The following ARHGEF17 variants were observed in gnomAD, a reference collection of about 807,000 sequenced individuals.
ARHGEF17 encodes the protein Rho guanine nucleotide exchange factor 17.
In ARHGEF17, 80 loss-of-function variants were observed where a neutral mutation model predicts 174.0. The ratio of observed to expected loss-of-function variants is 0.46; its 90% CI spans 0.38 to 0.55. The LOEUF is 0.55. Among genes scored for constraint, ARHGEF17 ranks in the 20% least tolerant of loss-of-function variants. ARHGEF17 has a pLI of 0.00. For missense variants in ARHGEF17, 2,886 were observed against 2,839.7 expected, an observed-to-expected ratio of 1.02 and a Z score of -0.37; for synonymous variants, 1,311 against 1,189.1, an observed-to-expected ratio of 1.10 and a Z score of -2.11.
At chr11:73,314,077 C>T (rs1355147669) in intron 1 of ARHGEF17, among the ~76,000 whole-genome samples, 4 of 152,218 alleles carry the variant, frequency 2.6e-5, no homozygotes, top group Non-Finnish European at 4.4e-5. Context: ...CCTGGAAGTT[C>T]TCCCATCTGC....
Position 73,311,366 on chromosome 11 carries a change from G to C in ARHGEF17, c.2728G>C (p.Ala910Pro). The change falls in exon 1 of 21, where the codon GCT becomes CCT. Residue 910 changes from alanine to proline, a missense_variant. Transcript: ENST00000263674. ...AAACTTTCACCTTGACCCCAAGCTG[G>C]CTGACATTCTGTCCCCGAGGCTAAT... The part of the protein sequence containing the change: ...HRNFHLDPKL[A>P]DILSPRLIRR... The C allele has an allele frequency of 6.2e-7, 1 of 1,613,276 alleles. No individual in the cohort carries two copies. The highest frequency in any genetic ancestry group is 8.5e-7 in the Non-Finnish European group (1 of 1,180,034).
At chr11:73,314,540 AG>A (rs1864897392) in intron 1 of ARHGEF17, among the ~76,000 whole-genome samples, 1 of 152,150 alleles carries the variant, frequency 6.6e-6, no homozygotes, top group Admixed American at 6.5e-5. Context: ...GCTCAGAAGG[AG>A]GGAGTCAGCC....
chr11:73,362,580 C>G lies in ARHGEF17; in HGVS notation c.4842C>G (p.Gly1614=). The change falls in exon 14 of 21, where the codon GGC becomes GGG. Residue 1614 remains glycine, a synonymous_variant. Transcript: ENST00000263674. ...PQPCLHISIA[G]SGLEMTPGLG... ...CCTGCCTTCACATCTCCATTGCAGG[C>G]TCGGGCTTGGAGATGACGCCGGGCC... is the stretch of plus-strand genomic sequence containing the variant. 6.2e-7 allele frequency: 1 copy of G among 1,610,252 alleles called. No homozygotes were observed. The highest frequency in any genetic ancestry group is 1.1e-5 in the South Asian group (1 of 91,072).
Position 73,365,194 on chromosome 11 carries a change from G to A in ARHGEF17, c.5551-196G>A. The stretch of plus-strand genomic sequence containing the variant: ...TCCTTAAATCACTCAAGTTTAATGG[G>A]GAAAAAGCACCTCCATTGTAATTCC... On this transcript the variant is annotated intron_variant, in intron 18 of 20. Coordinates refer to ENST00000263674, the MANE Select transcript of ARHGEF17 (RefSeq NM_014786.4). This position sits in a 1 kb window ranked among gnomAD's most constrained non-coding sequence, Gnocchi z 4.9. 1.6e-6 allele frequency: 1 copy of A among 619,060 alleles called. No individual in the cohort carries two copies. The allele number at this position is 619,060 out of a possible 1,614,324, so 38.3% of individuals were successfully genotyped here. A position where few individuals can be genotyped will look rare whatever the true frequency, so the allele number is the denominator to read the frequency against.
chr11:73,358,638 T>TG, intron 9 of ARHGEF17, among the ~76,000 whole-genome samples: 1 of 151,488 alleles, frequency 6.6e-6, no homozygotes, highest in African/African-American at 2.4e-5. Flanking sequence ...TTTTTTTTTT[T>TG]GTATTTTAGT....
chr11:73,351,751 T>A (rs11604230), intron 2 of ARHGEF17, among the ~76,000 whole-genome samples: 4,126 of 152,118 alleles, frequency 0.027, 118 homozygotes, highest in Non-Finnish European at 0.037. Flanking sequence ...CCAGCTAATT[T>A]ATTGTATTTT....
At chr11:73,328,936 C>T (rs1865147208) in intron 1 of ARHGEF17, among the ~76,000 whole-genome samples, 1 of 151,880 alleles carries the variant, frequency 6.6e-6, no homozygotes, top group Non-Finnish European at 1.5e-5. Context: ...CCTAGAGAGG[C>T]AGGATGGAGA....
chr11:73,350,919 G>T (rs1012297721), intron 2 of ARHGEF17, among the ~76,000 whole-genome samples: 7 of 152,392 alleles, frequency 4.6e-5, no homozygotes, highest in Middle Eastern at 3.4e-3. Context: ...TCTGTGCAGT[G>T]AGATGCCCCA....
chr11:73,353,080 C>T (rs1294637953), intron 3 of ARHGEF17, 68 bp downstream of exon 3: 9 of 1,579,734 alleles, frequency 5.7e-6, no homozygotes, highest in East Asian at 2.2e-5. Flanking sequence ...GATGTGGCCA[C>T]GGACCCCACC....
At chr11:73,346,833 G>A in intron 1 of ARHGEF17, 50 bp from the exon 2 acceptor site, 3 of 1,389,018 alleles carry the variant, frequency 2.2e-6, no homozygotes, top group Non-Finnish European at 2.8e-6. Context: ...CAGGTGATGG[G>A]GTCTGGGGGG....
At chr11:73,355,043 C>G in intron 3 of ARHGEF17, among the ~76,000 whole-genome samples, 1 of 152,168 alleles carries the variant, frequency 6.6e-6, no homozygotes, top group Admixed American at 6.5e-5. Flanking sequence ...GGAGTACTTC[C>G]GAGAGGAGGC....
intron 2 of ARHGEF17, 159 bp downstream of exon 2, chr11:73,347,119 T>G: frequency 1.3e-6 from 1 of 763,698 alleles, no homozygotes; most frequent in Non-Finnish European, 2.3e-6. Context: ...AGCATGGCCA[T>G]TCCAGAGAAG....
At chr11:73,357,375 A>G (rs1257478312) in intron 9 of ARHGEF17, 48 bp downstream of exon 9, 1 of 1,554,036 alleles carries the variant, frequency 6.4e-7, no homozygotes, top group South Asian at 1.2e-5. Context: ...TCCTCTGAGA[A>G]GCCCTCCTGG....
At chr11:73,319,076 T>C (rs1431454989) in intron 1 of ARHGEF17, among the ~76,000 whole-genome samples, 2 of 151,336 alleles carry the variant, frequency 1.3e-5, no homozygotes, top group Non-Finnish European at 3.0e-5. Context: ...TTTTTTTTTT[T>C]TTTTTTGAGA....
chr11:73,360,246 T>A, intron 10 of ARHGEF17, 74 bp from the exon 11 acceptor site: 1 of 1,511,354 alleles, frequency 6.6e-7, no homozygotes, highest in Non-Finnish European at 9.0e-7. Flanking sequence ...GAGAGGCAGG[T>A]CCCCACACAT....
chr11:73,308,756 C>T lies in ARHGEF17; in HGVS notation c.118C>T (p.Arg40Ter). 6.8e-7 allele frequency: 1 copy of T among 1,467,042 alleles called. No homozygotes were observed. The highest frequency in any genetic ancestry group is 9.0e-7 in the Non-Finnish European group (1 of 1,116,648). The allele number at this position is 1,467,042 out of a possible 1,614,324, so 90.9% of individuals were successfully genotyped here. The change falls in exon 1 of 21, where the codon CGA becomes TGA. Residue 40 changes from arginine to a stop codon, truncating the protein, a stop_gained. Coordinates refer to ENST00000263674, the MANE Select transcript of ARHGEF17 (RefSeq NM_014786.4). LOFTEE classifies it high-confidence loss of function. ...EEDTDTPGLRRRASCRPTTAA... is the reference protein window; with the variant it reads ...EEDTDTPGLR ...GGACACGGACACCCCCGGCTTGAGG[C>T]GACGCGCCTCGTGCCGGCCGACCAC...
chr11:73,308,860 G>T lies in ARHGEF17; in HGVS notation c.222G>T (p.Pro74=), dbSNP rs1345244938. 5.2e-6 allele frequency: 7 copies of T among 1,341,430 alleles called. No homozygotes were observed. Among genetic ancestry groups the T allele is most frequent in the Non-Finnish European group, 6.6e-6 (7 of 1,053,166 alleles). 83.1% of individuals were successfully genotyped at this position (1,341,430 alleles called of 1,614,324 possible). A position where few individuals can be genotyped will look rare whatever the true frequency, so the allele number is the denominator to read the frequency against. The change falls in exon 1 of 21, where the codon CCG becomes CCT. Residue 74 remains proline, a synonymous_variant. Coordinates refer to ENST00000263674, the MANE Select transcript of ARHGEF17 (RefSeq NM_014786.4). ...GPLAAPAQPR[P]LRSLSPSVRQ... ...TGGCCGCCCCCGCGCAGCCGCGCCC[G>T]CTCCGCAGCCTCTCGCCGTCGGTTC...
At chr11:73,342,957 G>A (rs1475007707) in intron 1 of ARHGEF17, 1 of 191,278 alleles carries the variant, frequency 5.2e-6, no homozygotes, top group Non-Finnish European at 1.1e-5. Flanking sequence ...AGCGCCGCCG[G>A]CGGCCGGGCC....
At chr11:73,364,330 G>A (rs1252167265) in intron 17 of ARHGEF17, 91 bp downstream of exon 17, 3 of 1,601,392 alleles carry the variant, frequency 1.9e-6, no homozygotes, top group African/African-American at 2.7e-5. Flanking sequence ...CAACTCCCAG[G>A]CCCTCTGTGG....
Sources: gnomAD v4.1 joint callset for allele counts (sites outside exome capture counted in the v4.1 genomes callset) on GRCh38, gnomAD v4.1.1 for gene constraint, Gnocchi (gnomAD v3.1) non-coding constraint, MANE v1.5 for transcripts, NCBI Gene and HGNC (gene_info 2026-07-23, HGNC 2026-07-21) for gene names.